Variants in ARMC2 observed in about 807,000 individuals in gnomAD.
The protein encoded by ARMC2 is armadillo repeat-containing protein 2.
ARMC2 carries 67 observed loss-of-function variants against 90.3 expected under a neutral mutation model. The observed-to-expected ratio is 0.74, with a 90% confidence interval of 0.61 to 0.91. The LOEUF (loss-of-function observed/expected upper bound fraction) is 0.91, where lower values mean the gene tolerates loss of function less well. ARMC2 is among the 40% of genes least tolerant of loss of function. The pLI is 0.00. For missense variants in ARMC2, 920 were observed against 1,030.9 expected, an observed-to-expected ratio of 0.89 and a Z score of 1.47; for synonymous variants, 393 against 393.0, an observed-to-expected ratio of 1.00 and a Z score of 0.00.
chr6:108,882,386 C>A (rs1777677800), intron 5 of ARMC2, among the ~76,000 whole-genome samples: 1 of 150,788 alleles, frequency 6.6e-6, no homozygotes, highest in Non-Finnish European at 1.5e-5. Context: ...TTTCAGTGAG[C>A]CGAGATCATG....
At chr6:108,985,855 T>C in the ARMC2 span, among the ~76,000 whole-genome samples, 6 of 151,790 alleles carry the variant, frequency 4.0e-5, no homozygotes, top group African/African-American at 1.5e-4. Context: ...AATGCACTTA[T>C]AAGTAAGTTT....
chr6:108,898,138 A>G (rs1354365455), intron 6 of ARMC2, among the ~76,000 whole-genome samples: 1 of 152,186 alleles, frequency 6.6e-6, no homozygotes, highest in African/African-American at 2.4e-5. Context: ...CTAGGATTCA[A>G]ACCCAGATGG....
intron 10 of ARMC2, among the ~76,000 whole-genome samples, chr6:108,927,217 A>G (rs914057800): frequency 1.3e-5 from 2 of 152,106 alleles, no homozygotes; most frequent in African/African-American, 4.8e-5. Context: ...TGGAGGAAGG[A>G]GTGGCTGCCC....
chr6:108,928,300 A>C, intron 11 of ARMC2, 67 bp downstream of exon 11: 3 of 1,371,152 alleles, frequency 2.2e-6, no homozygotes, highest in Non-Finnish European at 2.9e-6. Context: ...GTTATCTTTA[A>C]TATTTGCTTG....
In ARMC2 at chr6:108,964,920, A is replaced by G. The variant is rs867855421; in HGVS notation, c.2286-60A>G. ...GAAGGATAATCATTATGCTAACAAT[A>G]TTAAAATTAAAGACAGATTCTGACC... On this transcript the variant is annotated intron_variant, in intron 16 of 17. Coordinates refer to ENST00000392644, the MANE Select transcript of ARMC2 (RefSeq NM_032131.6). 5.2e-5 allele frequency: 65 copies of G among 1,257,876 alleles called. 1 individual carries two copies. In the Middle Eastern group the frequency reaches 2.8e-3, roughly 54 times the overall value. The allele number at this position is 1,257,876 out of a possible 1,614,324, so 77.9% of individuals were successfully genotyped here.
At chr6:108,868,521 T>C (rs969564669) in intron 3 of ARMC2, among the ~76,000 whole-genome samples, 3 of 152,144 alleles carry the variant, frequency 2.0e-5, no homozygotes, top group Admixed American at 6.5e-5. Context: ...CCGGCCAATT[T>C]TGTAGTCTTT....
chr6:108,889,743 C>T (rs1227324978), intron 5 of ARMC2, among the ~76,000 whole-genome samples: 2 of 151,886 alleles, frequency 1.3e-5, no homozygotes, highest in African/African-American at 4.8e-5. Flanking sequence ...GCCACCATGC[C>T]GGCCAACTTT....
At chr6:108,901,330 T>A (rs1287537828) in intron 7 of ARMC2, among the ~76,000 whole-genome samples, 1 of 151,856 alleles carries the variant, frequency 6.6e-6, no homozygotes, top group Admixed American at 6.6e-5. Context: ...TTGGCCAGGC[T>A]GGTCTCAAAC....
chr6:108,956,050 T>C (rs1777559565), intron 13 of ARMC2, among the ~76,000 whole-genome samples: 1 of 152,316 alleles, frequency 6.6e-6, no homozygotes, highest in East Asian at 1.9e-4. Context: ...GACCCAGTGC[T>C]TCAGGGAACC....
At chr6:108,916,663 C>T (rs1015925428) in intron 10 of ARMC2, among the ~76,000 whole-genome samples, 8 of 152,182 alleles carry the variant, frequency 5.3e-5, no homozygotes, top group African/African-American at 1.9e-4. Context: ...TAGTAAATTG[C>T]ACCACCAAGG....
the ARMC2 span, chr6:108,993,117 C>A: frequency 2.2e-6 from 1 of 456,644 alleles, no homozygotes; most frequent in Middle Eastern, 5.8e-4. Context: ...TAGTTGAATT[C>A]TCTATGCCTT....
intron 5 of ARMC2, among the ~76,000 whole-genome samples, chr6:108,881,319 C>T (rs75339926): frequency 0.018 from 308 of 17,550 alleles, 2 homozygotes; most frequent in Middle Eastern, 0.071. Flanking sequence ...CCTTCCTTCA[C>T]TCCTTCCTTC....
the ARMC2 span, among the ~76,000 whole-genome samples, chr6:108,981,311 C>T: frequency 3.3e-5 from 5 of 152,126 alleles, no homozygotes; most frequent in African/African-American, 1.2e-4. Context: ...GAACCATCTA[C>T]TTAAACAAAA....
At chr6:108,977,017 T>C (rs764747508), downstream of ARMC2, among the ~76,000 whole-genome samples, 22 of 152,372 alleles carry the variant, frequency 1.4e-4, no homozygotes, top group Non-Finnish European at 2.8e-4. Flanking sequence ...CTGATTGCCC[T>C]GGCCAGAACT....
chr6:108,978,736 TA>T (rs1212598770), downstream of ARMC2, among the ~76,000 whole-genome samples: 1 of 152,218 alleles, frequency 6.6e-6, no homozygotes, highest in Non-Finnish European at 1.5e-5. Flanking sequence ...TTGATCCCTT[TA>T]CCATTAGGTA....
chr6:108,982,299 T>C, the ARMC2 span, among the ~76,000 whole-genome samples: 1 of 152,186 alleles, frequency 6.6e-6, no homozygotes, highest in South Asian at 2.1e-4. Context: ...AAGGCCCTCT[T>C]CCTGGTTTGC....
chr6:108,892,759 C>CAAAAAAA (rs55747245), intron 5 of ARMC2, among the ~76,000 whole-genome samples: 11 of 89,696 alleles, frequency 1.2e-4, no homozygotes, highest in African/African-American at 5.1e-4. Flanking sequence ...AACTCCATCT[C>CAAAAAAA]AAAAAAAAAA....
chr6:109,013,504 G>C, the ARMC2 span, among the ~76,000 whole-genome samples: 113 of 152,216 alleles, frequency 7.4e-4, no homozygotes, highest in Non-Finnish European at 1.5e-3. Flanking sequence ...GAGCGCATTA[G>C]GTCTTTAAAA....
intron 5 of ARMC2, among the ~76,000 whole-genome samples, chr6:108,889,158 A>T (rs1456694863): frequency 6.6e-6 from 1 of 151,778 alleles, no homozygotes; most frequent in Admixed American, 6.6e-5. Flanking sequence ...TATTATTATT[A>T]TTTTTTGAGG....
Sources: allele counts gnomAD v4.1 joint callset (sites outside exome capture counted in the v4.1 genomes callset), GRCh38; gene constraint gnomAD v4.1.1; transcripts MANE v1.5; gene names NCBI Gene and HGNC (gene_info 2026-07-23, HGNC 2026-07-21).